Variants in SIPA1L3 observed in about 807,000 individuals in gnomAD.
The protein encoded by SIPA1L3 is signal induced proliferation associated 1 like 3, also known as signal-induced proliferation-associated 1-like protein 3.
SIPA1L3 carries 59 observed loss-of-function variants against 150.1 expected under a neutral mutation model. The observed-to-expected ratio is 0.39, with a 90% CI of 0.32 to 0.49. The LOEUF (loss-of-function observed/expected upper bound fraction) is 0.49. Among genes scored for constraint, SIPA1L3 ranks in the 20% least tolerant of loss-of-function variants. The probability of loss-of-function intolerance (pLI) is 0.86; values close to 1 mark genes in which losing one functional copy is unlikely to be tolerated. For missense variants in SIPA1L3, 2,211 were observed against 2,489.5 expected (o/e 0.89, Z 2.38); for synonymous variants, 1,070 against 1,077.6 (o/e 0.99, Z 0.14).
chr19:38,121,237 G>A (rs935704213), intron 9 of SIPA1L3, among the ~76,000 whole-genome samples: 1 of 152,162 alleles, frequency 6.6e-6, no homozygotes, highest in Admixed American at 6.6e-5. Context: ...AGGAGATCAA[G>A]ACCATCCTGG....
intron 2 of SIPA1L3, among the ~76,000 whole-genome samples, chr19:38,058,117 T>C (rs1969363894): frequency 6.6e-6 from 1 of 152,206 alleles, no homozygotes; most frequent in African/African-American, 2.4e-5. Context: ...CCTGGTCTCC[T>C]GAGGGCCTGG....
At chr19:38,127,383 A>G (rs1439299420) in intron 9 of SIPA1L3, among the ~76,000 whole-genome samples, 2 of 152,260 alleles carry the variant, frequency 1.3e-5, no homozygotes, top group Non-Finnish European at 2.9e-5. Context: ...CATAGCCATC[A>G]TACATAAAAT....
At chr19:38,040,702 AAG>A (rs1489105818) in intron 2 of SIPA1L3, among the ~76,000 whole-genome samples, 1 of 152,228 alleles carries the variant, frequency 6.6e-6, no homozygotes, top group Non-Finnish European at 1.5e-5. Flanking sequence ...TGCCCCATTT[AAG>A]AGTTTCAACT....
At position 37,999,650 on chromosome 19, in the gene SIPA1L3, T is replaced by C. The variant is rs185224290; in HGVS notation, c.-378-29439T>C. ...CTGACCCCTGGTTGCTCCAGAAAGGTCATCGTTTAAGAATGTTTCTTGGGT... is the reference window on the plus strand; with the variant it reads ...CTGACCCCTGGTTGCTCCAGAAAGGCCATCGTTTAAGAATGTTTCTTGGGT... On this transcript the variant is annotated intron_variant, in intron 1 of 21. Transcript: ENST00000222345. 1.4e-3 allele frequency among the ~76,000 whole-genome samples: 211 copies of C among 152,260 alleles called. 5 individuals are homozygous for C. Among genetic ancestry groups the C allele is most frequent in the Admixed American group, 0.012 (190 of 15,284 alleles).
At chr19:37,928,081 A>T (rs2046522299) in intron 1 of SIPA1L3, among the ~76,000 whole-genome samples, 1 of 152,134 alleles carries the variant, frequency 6.6e-6, no homozygotes, top group Non-Finnish European at 1.5e-5. Flanking sequence ...GATACCCAGA[A>T]ATGGGATTGC....
intron 15 of SIPA1L3, among the ~76,000 whole-genome samples, chr19:38,179,782 T>C (rs150416792): frequency 8.3e-4 from 127 of 152,378 alleles, no homozygotes; most frequent in African/African-American, 2.5e-3. Context: ...CATCTTGGGC[T>C]ATTCATTTCT....
At chr19:37,997,889 AAAAG>A (rs1195758759) in intron 1 of SIPA1L3, among the ~76,000 whole-genome samples, 21 of 151,834 alleles carry the variant, frequency 1.4e-4, no homozygotes, top group East Asian at 1.9e-4. Flanking sequence ...AAAGAAAAGA[AAAAG>A]AGAGAGAGAG....
intron 8 of SIPA1L3, among the ~76,000 whole-genome samples, chr19:38,111,406 A>G (rs1970738412): frequency 6.6e-6 from 1 of 152,108 alleles, no homozygotes; most frequent in Non-Finnish European, 1.5e-5. Context: ...ATGGATGTGG[A>G]GTCATCTCCT....
chr19:38,192,340 C>A, intron 17 of SIPA1L3, 30 bp downstream of exon 17: 1 of 1,550,278 alleles, frequency 6.5e-7, no homozygotes, highest in East Asian at 2.3e-5. Flanking sequence ...CCGCTCCCGA[C>A]CCCCAGCTCC....
At chr19:38,016,921 G>C (rs1238438322) in intron 1 of SIPA1L3, among the ~76,000 whole-genome samples, 1 of 90,436 alleles carries the variant, frequency 1.1e-5, no homozygotes, top group Non-Finnish European at 2.0e-5. Context: ...TTTTGAGACT[G>C]AGTCTCACTC....
Position 38,102,274 on chromosome 19 carries a change from T to C in SIPA1L3, c.2029+1048T>C, listed in dbSNP as rs1360591766. Among the ~76,000 whole-genome samples, 6 of 138,506 alleles carry C rather than the reference T, an allele frequency of 4.3e-5. No individual in the cohort carries two copies. The East Asian group carries it at 1.3e-3, about 29-fold the overall frequency. 90.9% of individuals were successfully genotyped at this position (138,506 alleles called of 152,430 possible). A position where few individuals can be genotyped will look rare whatever the true frequency, so the allele number is the denominator to read the frequency against. ...ATTGGCCAGGTTGGTCTTGAACTGC[T>C]GACCTCGTGATCTGCCCACCTCGGC... On this transcript the variant is annotated intron_variant, in intron 6 of 21. Coordinates refer to ENST00000222345, the MANE Select transcript of SIPA1L3 (RefSeq NM_015073.3).
In SIPA1L3 at chr19:38,119,283, CTAAA is replaced by C; in HGVS notation, c.2292-19_2292-16del. On this transcript the variant is annotated intron_variant, in intron 8 of 21. Transcript: ENST00000222345. ...GTCTTAGTGCCTTTCTTCCCACCATCTAAATAATCTCTCCCTCCACAGTATGGCT... is the reference window on the plus strand; with the variant it reads ...GTCTTAGTGCCTTTCTTCCCACCATCTAATCTCTCCCTCCACAGTATGGCT... 1.3e-6 allele frequency: 2 copies of C among 1,587,352 alleles called. No homozygotes were observed. The highest frequency in any genetic ancestry group is 1.7e-6 in the Non-Finnish European group (2 of 1,162,782).
At chr19:37,964,245 A>T (rs554935556) in intron 1 of SIPA1L3, 120 of 152,142 alleles carry the variant, frequency 7.9e-4, no homozygotes, top group African/African-American at 2.5e-3. Context: ...TCTACAGAAA[A>T]TTTTTTTAAA....
chr19:37,933,028 C>T (rs780605306), intron 1 of SIPA1L3, among the ~76,000 whole-genome samples: 1 of 152,270 alleles, frequency 6.6e-6, no homozygotes, highest in Middle Eastern at 3.4e-3. Context: ...GCTTTCCTCT[C>T]TGGGCCTCAG....
chr19:37,945,900 A>G (rs1003037755), intron 1 of SIPA1L3, among the ~76,000 whole-genome samples: 28 of 152,162 alleles, frequency 1.8e-4, no homozygotes, highest in Non-Finnish European at 4.1e-4. Flanking sequence ...CACGCCTGTA[A>G]TACCAGCACT....
intron 2 of SIPA1L3, among the ~76,000 whole-genome samples, chr19:38,071,018 C>T (rs1969702333): frequency 6.6e-6 from 1 of 152,166 alleles, no homozygotes; most frequent in African/African-American, 2.4e-5. Context: ...CAGCCCATCC[C>T]ACCCCTACAA....
chr19:38,097,934 C>T (rs929375249), intron 4 of SIPA1L3, among the ~76,000 whole-genome samples: 1 of 152,202 alleles, frequency 6.6e-6, no homozygotes, highest in African/African-American at 2.4e-5. Flanking sequence ...CCACGAGCTT[C>T]GGAGAAGTCA....
At chr19:38,196,181 G>A (rs1650901076) in intron 18 of SIPA1L3, among the ~76,000 whole-genome samples, 1 of 152,160 alleles carries the variant, frequency 6.6e-6, no homozygotes, top group Non-Finnish European at 1.5e-5. Context: ...CTAACCAAGT[G>A]CCCTCCACAC....
At chr19:38,150,761 G>A (rs993971859) in intron 12 of SIPA1L3, among the ~76,000 whole-genome samples, 23 of 151,660 alleles carry the variant, frequency 1.5e-4, no homozygotes, top group Middle Eastern at 3.4e-3. Context: ...GGCTGGTCTC[G>A]AACTCCTGAG....
Sources: allele counts gnomAD v4.1 joint callset (sites outside exome capture counted in the v4.1 genomes callset), GRCh38; gene constraint gnomAD v4.1.1; transcripts MANE v1.5; gene names NCBI Gene and HGNC (gene_info 2026-07-23, HGNC 2026-07-21).